KCNQ1: variants seen among roughly 807,000 people sequenced by gnomAD.
KCNQ1 encodes the protein potassium voltage-gated channel subfamily Q member 1.
Under a neutral mutation model 72.4 loss-of-function variants are expected in KCNQ1, and 49 were observed. That is an observed-to-expected ratio of 0.68 (90% CI 0.54 to 0.86). The LOEUF is 0.86. Among genes scored for constraint, KCNQ1 ranks in the 40% least tolerant of loss-of-function variants. KCNQ1 has a pLI of 0.00. For missense variants in KCNQ1, 790 were observed against 945.1 expected (o/e 0.84, Z 2.15); for synonymous variants, 450 against 412.6 (o/e 1.09, Z -1.10).
Position 2,775,808 on chromosome 11 carries a change from C to A in KCNQ1, c.1591-152C>A, listed in dbSNP as rs1846683604. 4 of 765,174 alleles carry A rather than the reference C, an allele frequency of 5.2e-6. No homozygotes were observed. In the South Asian group the frequency reaches 6.0e-5, roughly 11 times the overall value. The allele number at this position is 765,174 out of a possible 1,614,324, so 47.4% of individuals were successfully genotyped here. ...GATGGGGACAAGCTTCGCTACTGTG[C>A]ACGCTTGGAACCAGGCTTATGCCAT... On this transcript the variant is annotated intron_variant, in intron 12 of 15. Transcript: ENST00000155840.
intron 5 of KCNQ1, 39 bp from the exon 6 acceptor site, chr11:2,572,807 C>A (rs199621723): frequency 4.3e-6 from 7 of 1,612,652 alleles, no homozygotes; most frequent in Non-Finnish European, 5.9e-6. Flanking sequence ...TCCCAGCCTG[C>A]GGTTCCTGGA....
At position 2,592,764 on chromosome 11, in the gene KCNQ1, G is replaced by A. The variant is rs1435204163; in HGVS notation, c.1393+3910G>A. Among the ~76,000 whole-genome samples, 1 of 152,212 alleles carries A rather than the reference G, an allele frequency of 6.6e-6. No homozygotes were observed. Among genetic ancestry groups the A allele is most frequent in the African/African-American group, 2.4e-5 (1 of 41,462 alleles). On this transcript the variant is annotated intron_variant, in intron 10 of 15. Coordinates refer to ENST00000155840, the MANE Select transcript of KCNQ1 (RefSeq NM_000218.3). This position sits in a 1 kb window ranked among gnomAD's most constrained non-coding sequence, Gnocchi z 5.2. The stretch of plus-strand genomic sequence containing the variant: ...CGGCTGCTGCTGCCTTGGGCGTCCT[G>A]AAGATCCTCTGTATGCTTGTGGGGT...
At chr11:2,456,077 T>C (rs1474643253) in intron 1 of KCNQ1, among the ~76,000 whole-genome samples, 1 of 152,186 alleles carries the variant, frequency 6.6e-6, no homozygotes, top group Non-Finnish European at 1.5e-5. Context: ...CAGTGGCTCA[T>C]GCCTGTAATC....
At chr11:2,696,902 G>C in intron 11 of KCNQ1, 1 of 398,284 alleles carries the variant, frequency 2.5e-6, no homozygotes, top group Non-Finnish European at 4.4e-6. Context: ...TTTGTTTTGA[G>C]TACACTGATC....
chr11:2,495,975 T>C lies in KCNQ1; in HGVS notation c.387-31953T>C, dbSNP rs1371362368. ...CACTGTTATTGAGTAGGAATATAAG[T>C]CTCTTTGTAGGTCTCTAAGAACTTG... On this transcript the variant is annotated intron_variant, in intron 1 of 15. Coordinates refer to ENST00000155840, the MANE Select transcript of KCNQ1 (RefSeq NM_000218.3). The surrounding 1 kb of genome is among the most constrained non-coding windows in gnomAD (Gnocchi z 4.6). Among the ~76,000 whole-genome samples the C allele has an allele frequency of 6.6e-6, 1 of 152,170 alleles. No individual in the cohort carries two copies. The highest frequency in any genetic ancestry group is 1.9e-4 in the East Asian group (1 of 5,202).
chr11:2,839,812 G>A (rs757875094), intron 15 of KCNQ1: 2 of 152,228 alleles, frequency 1.3e-5, no homozygotes, highest in Non-Finnish European at 2.9e-5. Context: ...GGTCACCTGG[G>A]AGAGGTGTGG....
At chr11:2,811,875 G>A (rs187819224) in intron 15 of KCNQ1, among the ~76,000 whole-genome samples, 203 of 152,324 alleles carry the variant, frequency 1.3e-3, no homozygotes, top group African/African-American at 3.7e-3. Flanking sequence ...ACACATTCCC[G>A]TTCTACAGTT....
intron 11 of KCNQ1, among the ~76,000 whole-genome samples, chr11:2,726,006 A>G (rs1845755529): frequency 6.6e-6 from 1 of 152,200 alleles, no homozygotes; most frequent in East Asian, 1.9e-4. Context: ...AAGACCCCTG[A>G]TTTCTTCATG....
intron 1 of KCNQ1, among the ~76,000 whole-genome samples, chr11:2,503,073 A>G (rs945392289): frequency 1.3e-5 from 2 of 152,246 alleles, no homozygotes; most frequent in Admixed American, 6.5e-5. Context: ...ACTTCAAACT[A>G]TGAAACTACT....
At chr11:2,693,818 C>CGGAAGGA (rs1162676113) in intron 11 of KCNQ1, 3 of 398,716 alleles carry the variant, frequency 7.5e-6, no homozygotes, top group African/African-American at 6.2e-5. Context: ...ATAAAGGCAC[C>CGGAAGGA]GGAAGGAAAG....
rs189907820 is a variant in KCNQ1, at chr11:2,497,787, T to C, written c.387-30141T>C. Among the ~76,000 whole-genome samples the C allele has an allele frequency of 2.3e-3, 346 of 152,336 alleles. 2 individuals are homozygous for C. Among genetic ancestry groups the C allele is most frequent in the African/African-American group, 7.5e-3 (310 of 41,578 alleles). On this transcript the variant is annotated intron_variant, in intron 1 of 15. Transcript: ENST00000155840. This position sits in a 1 kb window ranked among gnomAD's most constrained non-coding sequence, Gnocchi z 4.5. Reference sequence around the variant, plus strand: ...TGTTCAGCATTTTTGTGCTGGTTTTTCCTCATCTTTGTGGATTTATCTGCC... The same window carrying C: ...TGTTCAGCATTTTTGTGCTGGTTTTCCCTCATCTTTGTGGATTTATCTGCC...
rs1354533256 is a variant in KCNQ1 at position 2,663,174 on chromosome 11, G to A, written c.1514+1093G>A. ...TCTTTCCAGGCCCCCCCAGTTCACAGAGAGGTTGGCAGTACCTCATGGTGG... is the reference window on the plus strand; with the variant it reads ...TCTTTCCAGGCCCCCCCAGTTCACAAAGAGGTTGGCAGTACCTCATGGTGG... On this transcript the variant is annotated intron_variant, in intron 11 of 15. Transcript: ENST00000155840. The surrounding 1 kb of genome is among the most constrained non-coding windows in gnomAD (Gnocchi z 5.2). 2 of 398,670 alleles carry A rather than the reference G, an allele frequency of 5.0e-6. No homozygotes were observed. Among genetic ancestry groups the A allele is most frequent in the Non-Finnish European group, 8.8e-6 (2 of 226,198 alleles). 24.7% of individuals were successfully genotyped at this position (398,670 alleles called of 1,614,324 possible).
intron 11 of KCNQ1, among the ~76,000 whole-genome samples, chr11:2,714,722 C>T (rs1280365620): frequency 2.0e-5 from 3 of 152,156 alleles, no homozygotes; most frequent in South Asian, 2.1e-4. Context: ...GAAAGGGACA[C>T]GAAGCCCTTG....
At chr11:2,472,204 CAT>C (rs1370715805) in intron 1 of KCNQ1, among the ~76,000 whole-genome samples, 32 of 130,362 alleles carry the variant, frequency 2.5e-4, no homozygotes, top group East Asian at 7.2e-4. Flanking sequence ...TATGTGTGCA[CAT>C]GTGTGTAGGT....
Position 2,446,110 on chromosome 11 carries a change from A to C in KCNQ1, c.386+626A>C, listed in dbSNP as rs1846032922. Reference sequence around the variant, plus strand: ...AGGCACGTTTGCAGCTCTCACTAAGAGGCAGCTGTGCTCCCGGAGAAAGCA... The same window carrying C: ...AGGCACGTTTGCAGCTCTCACTAAGCGGCAGCTGTGCTCCCGGAGAAAGCA... On this transcript the variant is annotated intron_variant, in intron 1 of 15. Coordinates refer to ENST00000155840, the MANE Select transcript of KCNQ1 (RefSeq NM_000218.3). This position sits in a 1 kb window ranked among gnomAD's most constrained non-coding sequence, Gnocchi z 8.8. Among the ~76,000 whole-genome samples the C allele has an allele frequency of 6.6e-6, 1 of 152,198 alleles. No individual in the cohort carries two copies. Among genetic ancestry groups the C allele is most frequent in the Non-Finnish European group, 1.5e-5 (1 of 68,016 alleles).
chr11:2,460,325 C>T (rs1443498818), intron 1 of KCNQ1, among the ~76,000 whole-genome samples: 1 of 152,234 alleles, frequency 6.6e-6, no homozygotes, highest in Non-Finnish European at 1.5e-5. Flanking sequence ...CGCCCATATC[C>T]CTGGTCTTTC....
At chr11:2,576,252 G>A (rs767054713) in intron 6 of KCNQ1, among the ~76,000 whole-genome samples, 6 of 152,196 alleles carry the variant, frequency 3.9e-5, no homozygotes, top group Non-Finnish European at 5.9e-5. Flanking sequence ...GCTGTCCAGC[G>A]AAGGCGCCGG....
chr11:2,796,372 G>A (rs1245695825), intron 15 of KCNQ1, among the ~76,000 whole-genome samples: 1 of 152,208 alleles, frequency 6.6e-6, no homozygotes, highest in Non-Finnish European at 1.5e-5. Flanking sequence ...TGAGGAGCAT[G>A]GAGGACCCTG....
intron 2 of KCNQ1, among the ~76,000 whole-genome samples, chr11:2,540,906 G>T (rs528687743): frequency 6.6e-6 from 1 of 152,374 alleles, no homozygotes; most frequent in South Asian, 2.1e-4. Context: ...GGTCAAGGTA[G>T]TTGAAGTCGG....
Sources: allele counts gnomAD v4.1 joint callset (sites outside exome capture counted in the v4.1 genomes callset), GRCh38; gene constraint gnomAD v4.1.1; non-coding constraint Gnocchi (gnomAD v3.1); transcripts MANE v1.5; gene names NCBI Gene and HGNC (gene_info 2026-07-23, HGNC 2026-07-21).